Variants in SSH2 observed in about 807,000 individuals in gnomAD.
The protein encoded by SSH2 is protein phosphatase Slingshot homolog 2.
SSH2 carries 37 observed loss-of-function variants against 135.2 expected under a neutral mutation model. That is an observed-to-expected ratio of 0.27 (90% CI 0.21 to 0.36). SSH2 has a LOEUF of 0.36. Among genes scored for constraint, SSH2 ranks in the 10% least tolerant of loss-of-function variants. The probability of loss-of-function intolerance (pLI) is 1.00; values close to 1 mark genes in which losing one functional copy is unlikely to be tolerated. For missense variants in SSH2, 1,408 were observed against 1,765.3 expected (o/e 0.80, Z 3.63); for synonymous variants, 628 against 646.2 (o/e 0.97, Z 0.43).
chr17:29,670,197 T>C (rs925603634), intron 9 of SSH2, among the ~76,000 whole-genome samples: 1 of 152,090 alleles, frequency 6.6e-6, no homozygotes, highest in Non-Finnish European at 1.5e-5. Flanking sequence ...CTGTCTCTAA[T>C]AAAATATGGG....
intron 2 of SSH2, among the ~76,000 whole-genome samples, chr17:29,815,372 T>C (rs975831051): frequency 6.6e-6 from 1 of 151,688 alleles, no homozygotes; most frequent in African/African-American, 2.4e-5. Flanking sequence ...TCCGCCCGCC[T>C]TGGCCTCCCA....
intron 12 of SSH2, among the ~76,000 whole-genome samples, chr17:29,653,293 A>T (rs1406940321): frequency 6.6e-6 from 1 of 152,186 alleles, no homozygotes. Flanking sequence ...CAGATCCCTG[A>T]ACTGTAATTC....
chr17:29,762,358 A>C (rs1255083248), intron 3 of SSH2, among the ~76,000 whole-genome samples: 1 of 152,120 alleles, frequency 6.6e-6, no homozygotes, highest in Non-Finnish European at 1.5e-5. Context: ...TGGGTTTAAA[A>C]ATCTCAATGC....
At position 29,926,154 on chromosome 17, in the gene SSH2, C is replaced by T. The variant is rs1306722816; in HGVS notation, c.63+3784G>A. Among the ~76,000 whole-genome samples the T allele has an allele frequency of 2.0e-5, 3 of 152,118 alleles. No homozygotes were observed. The East Asian group carries it at 5.8e-4, about 29-fold the overall frequency. ...CCCAGTTTGGGCATTTATTACCTCA[C>T]ACCTGGGCTTCTAGAACAGCCTCTC... On this transcript the variant is annotated intron_variant, in intron 1 of 15. Coordinates refer to ENST00000540801, the MANE Select transcript of SSH2 (RefSeq NM_001282129.2).
intron 11 of SSH2, among the ~76,000 whole-genome samples, chr17:29,656,770 C>G (rs979123931): frequency 6.6e-6 from 1 of 151,994 alleles, no homozygotes; most frequent in African/African-American, 2.4e-5. Flanking sequence ...TTTTGTGCAC[C>G]ATGACACTTT....
intron 11 of SSH2, among the ~76,000 whole-genome samples, chr17:29,657,946 C>A (rs2036861580): frequency 6.6e-6 from 1 of 151,126 alleles, no homozygotes; most frequent in South Asian, 2.1e-4. Flanking sequence ...ATAATATTGA[C>A]ATATCGACAT....
intron 11 of SSH2, among the ~76,000 whole-genome samples, chr17:29,661,457 G>A (rs139718191): frequency 6.6e-6 from 1 of 152,324 alleles, no homozygotes; most frequent in African/African-American, 2.4e-5. Flanking sequence ...AACTGGGAAA[G>A]CTCAAGGACA....
intron 1 of SSH2, chr17:29,855,977 T>C (rs543456655): frequency 1.2e-5 from 4 of 346,552 alleles, no homozygotes; most frequent in Non-Finnish European, 2.2e-5. Context: ...CTATTTGTAA[T>C]CATGTACAGA....
intron 5 of SSH2, among the ~76,000 whole-genome samples, 179 bp downstream of exon 5, chr17:29,695,280 C>T (rs1212745895): frequency 6.6e-6 from 1 of 152,200 alleles, no homozygotes; most frequent in African/African-American, 2.4e-5. Context: ...TAATAACTTA[C>T]AAATTGGTGC....
At chr17:29,765,234 A>G (rs2041416564) in intron 3 of SSH2, among the ~76,000 whole-genome samples, 2 of 152,218 alleles carry the variant, frequency 1.3e-5, no homozygotes, top group African/African-American at 4.8e-5. Context: ...TAAGATAAAC[A>G]GTCACCTAGT....
chr17:29,819,091 T>G (rs1179073827), intron 2 of SSH2, among the ~76,000 whole-genome samples: 2 of 151,936 alleles, frequency 1.3e-5, no homozygotes, highest in African/African-American at 4.8e-5. Flanking sequence ...CTGGGTGTGG[T>G]GGTGCAAGCC....
chr17:29,637,795 A>T (rs907663953), intron 14 of SSH2, among the ~76,000 whole-genome samples: 4 of 151,428 alleles, frequency 2.6e-5, no homozygotes, highest in African/African-American at 9.7e-5. Flanking sequence ...AAAAAATAAA[A>T]AATAAAAATA....
Position 29,913,345 on chromosome 17 carries a change from A to ATTATAT in SSH2, c.63+16592_63+16593insATATAA, listed in dbSNP as rs1463500620. Among the ~76,000 whole-genome samples the ATTATAT allele has an allele frequency of 8.0e-5, 3 of 37,518 alleles. 1 individual carries two copies. The highest frequency in any genetic ancestry group is 1.6e-4 in the Non-Finnish European group (3 of 18,200). The allele number at this position is 37,518 out of a possible 152,430, so 24.6% of individuals were successfully genotyped here. On this transcript the variant is annotated intron_variant, in intron 1 of 15. Transcript: ENST00000540801. ...AAAAAAAAAAAAAAAAAAAAAAAAA[A>ATTATAT]AAATATATATATATATATATATATA...
intron 14 of SSH2, chr17:29,641,675 T>G (rs1399551487): frequency 6.6e-6 from 1 of 152,168 alleles, no homozygotes; most frequent in African/African-American, 2.4e-5. Context: ...AGTTCCAATT[T>G]TAGTGTATGT....
chr17:29,726,066 G>A (rs554743011), intron 3 of SSH2, among the ~76,000 whole-genome samples: 1 of 152,270 alleles, frequency 6.6e-6, no homozygotes, highest in South Asian at 2.1e-4. Context: ...AGGTAAGGAG[G>A]TGGTCAAGAT....
At chr17:29,727,347 A>C (rs1273560790) in intron 3 of SSH2, among the ~76,000 whole-genome samples, 2 of 152,226 alleles carry the variant, frequency 1.3e-5, no homozygotes, top group African/African-American at 4.8e-5. Flanking sequence ...TTACAATAGG[A>C]TGTTAGTGAA....
chr17:29,762,782 G>A (rs1157417477), intron 3 of SSH2, among the ~76,000 whole-genome samples: 1 of 152,122 alleles, frequency 6.6e-6, no homozygotes, highest in East Asian at 1.9e-4. Flanking sequence ...ATAGAAGTTA[G>A]CTTCCTTTTA....
intron 3 of SSH2, among the ~76,000 whole-genome samples, chr17:29,774,393 T>G (rs2041651669): frequency 6.6e-6 from 1 of 152,134 alleles, no homozygotes; most frequent in African/African-American, 2.4e-5. Flanking sequence ...GCCTCCCAAG[T>G]AGCTGGGATT....
intron 8 of SSH2, chr17:29,676,390 C>T (rs144181603): frequency 0.017 from 2,624 of 155,438 alleles, 80 homozygotes; most frequent in African/African-American, 0.061. Context: ...GAGCCGAGAT[C>T]GCGCCACTGC....
Sources: allele counts gnomAD v4.1 joint callset (sites outside exome capture counted in the v4.1 genomes callset), GRCh38; gene constraint gnomAD v4.1.1; transcripts MANE v1.5; gene names NCBI Gene and HGNC (gene_info 2026-07-23, HGNC 2026-07-21).